The following PKD1L3 variants were observed in gnomAD, a reference collection of about 807,000 sequenced individuals.
The protein encoded by PKD1L3 is polycystin 1 like 3, transient receptor potential channel interacting, also known as polycystin-1-like protein 3.
PKD1L3 carries 239 observed loss-of-function variants against 184.1 expected under a neutral mutation model. The observed-to-expected ratio is 1.30, with a 90% CI of 1.17 to 1.45. The LOEUF (loss-of-function observed/expected upper bound fraction) is 1.45, where lower values mean the gene tolerates loss of function less well. Ranked by LOEUF, PKD1L3 falls within the 40% of genes most tolerant of loss-of-function variation. PKD1L3 has a pLI of 0.00. For synonymous variants in PKD1L3, 996 were observed against 778.8 expected (o/e 1.28, Z -4.64); for missense variants, 2,660 against 2,067.2 (o/e 1.29, Z -5.56).
At chr16:71,976,262 G>GTTTTTTTTTTTTTTTTT (rs1567534640) in intron 11 of PKD1L3, among the ~76,000 whole-genome samples, 1 of 25,206 alleles carries the variant, frequency 4.0e-5, no homozygotes, top group Non-Finnish European at 8.8e-5. Flanking sequence ...TGCCCAGCCT[G>GTTTTTTTTTTTTTTTTT]TCTTTTTTTT....
chr16:71,999,940 G>A lies in PKD1L3; in HGVS notation c.39C>T (p.Ile13=), dbSNP rs372043802. The A allele has an allele frequency of 1.2e-5, 19 of 1,539,240 alleles. No homozygotes were observed. In the African/African-American group the frequency reaches 1.8e-4, roughly 14 times the overall value. Residue 13 remains isoleucine, a synonymous_variant, in exon 1 of 30, where the codon ATC becomes ATT. Transcript: ENST00000620267. The part of the protein sequence containing the change: ...FKGGSWLWLY[I]RTSIILGSEL... ...CACTTCCTAGAATAATACTTGTTCT[G>A]ATGTATAACCAAAGCCAGCTTCCTC... is the stretch of plus-strand genomic sequence containing the variant.
intron 24 of PKD1L3, among the ~76,000 whole-genome samples, chr16:71,939,695 T>C (rs2038295212): frequency 1.3e-5 from 2 of 152,134 alleles, no homozygotes; most frequent in Admixed American, 1.3e-4. Context: ...GAGAGAAGAA[T>C]TCTTGATTAG....
In PKD1L3 at chr16:71,984,145, TTCCC is replaced by T. The variant is rs1341899752; in HGVS notation, c.853_856del (p.Gly285ThrfsTer25). 2 of 1,551,486 alleles carry T rather than the reference TTCCC, an allele frequency of 1.3e-6. No homozygotes were observed. The highest frequency in any genetic ancestry group is 2.7e-5 in the African/African-American group (2 of 73,020). On this transcript the variant is annotated frameshift_variant, in exon 6 of 30. Coordinates refer to ENST00000620267, the MANE Select transcript of PKD1L3 (RefSeq NM_181536.2). LOFTEE classifies it high-confidence loss of function. ...CAAACCATGAACTGCTCTGCTGAAG[TTCCC>T]TGCTATCTCATCTATGACCTATTGG...
At chr16:71,936,747 T>C (rs2038194656) in intron 25 of PKD1L3, among the ~76,000 whole-genome samples, 1 of 152,122 alleles carries the variant, frequency 6.6e-6, no homozygotes, top group African/African-American at 2.4e-5. Context: ...CCTCCTAAAG[T>C]GCTTGAACTA....
intron 25 of PKD1L3, among the ~76,000 whole-genome samples, chr16:71,935,853 G>A (rs1015970220): frequency 2.0e-4 from 30 of 152,032 alleles, no homozygotes; most frequent in African/African-American, 7.2e-4. Flanking sequence ...GCAGTGGTGC[G>A]ATCATAGCTC....
At chr16:71,962,885 T>A (rs1457283305) in intron 16 of PKD1L3, among the ~76,000 whole-genome samples, 1 of 152,214 alleles carries the variant, frequency 6.6e-6, no homozygotes, top group Non-Finnish European at 1.5e-5. Flanking sequence ...GAAGTAGTGG[T>A]ATCCTTTTTA....
chr16:71,981,338 C>T (rs1311130916), intron 7 of PKD1L3, among the ~76,000 whole-genome samples: 2 of 152,114 alleles, frequency 1.3e-5, no homozygotes, highest in African/African-American at 2.4e-5. Flanking sequence ...ATTTTACAAT[C>T]GAACAATGGA....
At chr16:71,987,181 C>T (rs767205854) in intron 4 of PKD1L3, among the ~76,000 whole-genome samples, 1 of 151,646 alleles carries the variant, frequency 6.6e-6, no homozygotes, top group African/African-American at 2.4e-5. Context: ...CCTTGGCCTC[C>T]CAAAGTGCTA....
chr16:71,933,826 T>C lies in PKD1L3; in HGVS notation c.4824+89A>G, dbSNP rs975719490. 2.8e-6 allele frequency: 4 copies of C among 1,414,968 alleles called. No individual in the cohort carries two copies. In the African/African-American group the frequency reaches 4.3e-5, roughly 15 times the overall value. 87.7% of individuals were successfully genotyped at this position (1,414,968 alleles called of 1,614,324 possible). ...GGCTTTCCTACTGTACCACCTCGGGTTTCTGTGTTGTGACCATTTCTATGG... is the reference window on the plus strand; with the variant it reads ...GGCTTTCCTACTGTACCACCTCGGGCTTCTGTGTTGTGACCATTTCTATGG... On this transcript the variant is annotated intron_variant, in intron 27 of 29. Transcript: ENST00000620267.
intron 4 of PKD1L3, among the ~76,000 whole-genome samples, chr16:71,989,045 T>C (rs913378880): frequency 1.3e-5 from 2 of 152,230 alleles, no homozygotes; most frequent in Non-Finnish European, 2.9e-5. Context: ...TCAAATGCCT[T>C]TAACTGAAAT....
At chr16:71,978,545 T>TC in intron 9 of PKD1L3, among the ~76,000 whole-genome samples, 162 bp from the exon 10 acceptor site, 1 of 147,618 alleles carries the variant, frequency 6.8e-6, no homozygotes, top group East Asian at 2.0e-4. Flanking sequence ...ATACATACTT[T>TC]TTTTTTTTTT....
chr16:71,960,815 C>T (rs1242078603), intron 16 of PKD1L3, among the ~76,000 whole-genome samples: 4 of 152,066 alleles, frequency 2.6e-5, no homozygotes, highest in Non-Finnish European at 4.4e-5. Context: ...CCTAGCTACT[C>T]GGGAAGCTGA....
rs1290788029 is a variant in PKD1L3, at chr16:71,947,605, T to A, written c.3619-14A>T. The A allele has an allele frequency of 6.8e-7, 1 of 1,478,108 alleles. No individual in the cohort carries two copies. Among genetic ancestry groups the A allele is most frequent in the African/African-American group, 1.4e-5 (1 of 71,472 alleles). 91.6% of individuals were successfully genotyped at this position (1,478,108 alleles called of 1,614,324 possible). On this transcript the variant is annotated splice_polypyrimidine_tract_variant and intron_variant, in intron 21 of 29. Coordinates refer to ENST00000620267, the MANE Select transcript of PKD1L3 (RefSeq NM_181536.2). ...GAAGAAGACCACCTGGGCAGGAGAA[T>A]CACAGAACATCGTGAGCAGACATTA...
chr16:71,963,795 G>A (rs2039385399), intron 15 of PKD1L3, among the ~76,000 whole-genome samples: 1 of 151,976 alleles, frequency 6.6e-6, no homozygotes, highest in African/African-American at 2.4e-5. Flanking sequence ...AAAACAAAAA[G>A]AAAAGAGAGT....
rs934250344 is a variant in PKD1L3, at chr16:71,973,398, A to G, written c.1879T>C (p.Ser627Pro). Reference sequence around the variant, plus strand: ...CACTGAGTGACGGCGGTGATGACCGAGACCAAGCTGGGTGTCTGCTGAGCA... The same window carrying G: ...CACTGAGTGACGGCGGTGATGACCGGGACCAAGCTGGGTGTCTGCTGAGCA... ...EGAQQTPSLV[S>P]VITAVTQCYY... Residue 627 changes from serine to proline, a missense_variant, in exon 12 of 30, where the codon TCG (serine) becomes CCG (proline). Ser to Pro is a moderately conservative substitution (Grantham distance 74). Transcript: ENST00000620267. 1.5e-5 allele frequency: 23 copies of G among 1,551,552 alleles called. No homozygotes were observed. Among genetic ancestry groups the G allele is most frequent in the Non-Finnish European group, 1.9e-5 (22 of 1,147,018 alleles).
At chr16:71,997,308 C>T (rs748754785) in intron 2 of PKD1L3, among the ~76,000 whole-genome samples, 20 of 152,006 alleles carry the variant, frequency 1.3e-4, no homozygotes, top group Non-Finnish European at 1.9e-4. Flanking sequence ...TCACCAAGGC[C>T]GGGCACGGTG....
intron 12 of PKD1L3, among the ~76,000 whole-genome samples, chr16:71,972,266 G>A (rs1161131753): frequency 2.6e-5 from 4 of 152,160 alleles, no homozygotes; most frequent in African/African-American, 9.6e-5. Context: ...GGGTGTGGTG[G>A]TGCATGCCTG....
intron 7 of PKD1L3, among the ~76,000 whole-genome samples, chr16:71,981,535 C>CTTTTTTTTTTTT: frequency 9.5e-6 from 1 of 105,090 alleles, no homozygotes; most frequent in Non-Finnish European, 1.9e-5. Context: ...TTCCTAAATT[C>CTTTTTTTTTTTT]TTTTTTTTTT....
At chr16:71,946,745 G>C (rs979742117) in intron 22 of PKD1L3, among the ~76,000 whole-genome samples, 5 of 97,632 alleles carry the variant, frequency 5.1e-5, no homozygotes, top group African/African-American at 1.9e-4. Context: ...AGTTTAATTT[G>C]ACATACTTGG....
Sources: allele counts gnomAD v4.1 joint callset (sites outside exome capture counted in the v4.1 genomes callset), GRCh38; gene constraint gnomAD v4.1.1; transcripts MANE v1.5; gene names NCBI Gene and HGNC (gene_info 2026-07-23, HGNC 2026-07-21).